CDH13: variants seen among roughly 807,000 people sequenced by gnomAD.
CDH13 encodes cadherin-13.
CDH13 carries 24 observed loss-of-function variants against 63.8 expected under a neutral mutation model. The observed-to-expected ratio is 0.38, with a 90% confidence interval of 0.27 to 0.53. CDH13 has a LOEUF of 0.53. CDH13 is among the 20% of genes least tolerant of loss of function. The pLI is 0.85. For missense variants in CDH13, 1,049 were observed against 903.1 expected (o/e 1.16, Z -2.07); for synonymous variants, 503 against 355.3 (o/e 1.42, Z -4.67).
chr16:82,845,500 C>A (rs1201096156), intron 1 of CDH13, among the ~76,000 whole-genome samples: 2 of 152,172 alleles, frequency 1.3e-5, no homozygotes, highest in African/African-American at 4.8e-5. Flanking sequence ...GCTGCAGCCA[C>A]CAGCATCATC....
chr16:83,413,864 C>T (rs572383142), intron 6 of CDH13, among the ~76,000 whole-genome samples: 3 of 152,158 alleles, frequency 2.0e-5, no homozygotes, highest in South Asian at 4.2e-4. Flanking sequence ...GGTGGGCACA[C>T]ACCTGTAATC....
At chr16:82,803,450 C>T (rs1159438513) in intron 1 of CDH13, among the ~76,000 whole-genome samples, 1 of 146,104 alleles carries the variant, frequency 6.8e-6, no homozygotes, top group African/African-American at 2.4e-5. Context: ...CTCTGAGCAG[C>T]TCAGACTCAG....
intron 5 of CDH13, among the ~76,000 whole-genome samples, chr16:83,260,551 G>A (rs143653474): frequency 5.9e-5 from 9 of 152,232 alleles, no homozygotes; most frequent in Admixed American, 2.6e-4. Context: ...TCTGTGCATC[G>A]GAATCACCCG....
chr16:82,987,927 G>A (rs180820249), intron 2 of CDH13, among the ~76,000 whole-genome samples: 1 of 152,290 alleles, frequency 6.6e-6, no homozygotes, highest in Non-Finnish European at 1.5e-5. Flanking sequence ...CCTTTGAAGT[G>A]TTCATCATGA....
At chr16:83,042,209 C>A (rs904732653) in intron 3 of CDH13, among the ~76,000 whole-genome samples, 2 of 152,202 alleles carry the variant, frequency 1.3e-5, no homozygotes, top group South Asian at 4.1e-4. Context: ...TGTTAGAAAC[C>A]GGGCTGCACT....
intron 1 of CDH13, among the ~76,000 whole-genome samples, chr16:82,700,455 C>T (rs1026321629): frequency 6.6e-6 from 1 of 151,896 alleles, no homozygotes; most frequent in Non-Finnish European, 1.5e-5. Flanking sequence ...TGGACATTAG[C>T]TTGTATTTTC....
chr16:83,236,414 G>A (rs578203372), intron 5 of CDH13, among the ~76,000 whole-genome samples: 1 of 152,248 alleles, frequency 6.6e-6, no homozygotes, highest in South Asian at 2.1e-4. Flanking sequence ...ACACTTTTAA[G>A]AAAGAAAAGC....
chr16:83,063,527 C>G (rs1338627277), intron 3 of CDH13, among the ~76,000 whole-genome samples: 1 of 152,108 alleles, frequency 6.6e-6, no homozygotes, highest in Non-Finnish European at 1.5e-5. Context: ...AAGGTTATAG[C>G]AATAGAGATG....
intron 8 of CDH13, among the ~76,000 whole-genome samples, chr16:83,627,375 A>C (rs1379801453): frequency 6.6e-6 from 1 of 152,182 alleles, no homozygotes; most frequent in Non-Finnish European, 1.5e-5. Context: ...AGAGATGAAC[A>C]TACATACAGC....
At chr16:83,196,293 C>G (rs955869661) in intron 4 of CDH13, among the ~76,000 whole-genome samples, 4 of 151,868 alleles carry the variant, frequency 2.6e-5, no homozygotes, top group African/African-American at 9.7e-5. Flanking sequence ...AATGTTAACT[C>G]AAAGTGGATC....
intron 2 of CDH13, among the ~76,000 whole-genome samples, chr16:82,885,036 C>G (rs906157658): frequency 6.6e-6 from 1 of 152,098 alleles, no homozygotes; most frequent in Non-Finnish European, 1.5e-5. Flanking sequence ...TGTGTTTTGG[C>G]TGTGTATTCT....
At chr16:83,703,273 C>T (rs1004430510) in intron 10 of CDH13, among the ~76,000 whole-genome samples, 2 of 152,076 alleles carry the variant, frequency 1.3e-5, no homozygotes, top group African/African-American at 2.4e-5. Context: ...GAATATATCT[C>T]GAAATAATCA....
intron 2 of CDH13, among the ~76,000 whole-genome samples, chr16:82,974,125 G>A (rs1257604311): frequency 1.3e-5 from 2 of 152,134 alleles, no homozygotes; most frequent in Non-Finnish European, 2.9e-5. Flanking sequence ...TTTCAGTAGA[G>A]ACAGGGTTTC....
intron 2 of CDH13, among the ~76,000 whole-genome samples, chr16:82,959,535 C>G (rs1469814432): frequency 6.6e-6 from 1 of 152,172 alleles, no homozygotes; most frequent in Non-Finnish European, 1.5e-5. Context: ...TTCAAAGCCA[C>G]AAAAGTTGGA....
At chr16:83,071,347 C>T (rs551806694) in intron 3 of CDH13, among the ~76,000 whole-genome samples, 1 of 152,098 alleles carries the variant, frequency 6.6e-6, no homozygotes, top group South Asian at 2.1e-4. Context: ...GATAAGGAGA[C>T]TGGGAATCAA....
intron 1 of CDH13, among the ~76,000 whole-genome samples, chr16:82,672,331 G>A (rs1913350932): frequency 6.6e-6 from 1 of 152,122 alleles, no homozygotes; most frequent in Non-Finnish European, 1.5e-5. Context: ...TAGAATTACT[G>A]AGCATCCGAC....
intron 1 of CDH13, among the ~76,000 whole-genome samples, chr16:82,784,087 G>C (rs1199400618): frequency 6.6e-6 from 1 of 151,680 alleles, no homozygotes; most frequent in African/African-American, 2.4e-5. Context: ...AGTTCAGATG[G>C]GCCAAGTTGC....
chr16:83,067,823 CT>C (rs2032134476), intron 3 of CDH13, among the ~76,000 whole-genome samples: 3 of 152,260 alleles, frequency 2.0e-5, no homozygotes, highest in African/African-American at 7.2e-5. Context: ...CTGCCCCTCT[CT>C]TCTTCTCTCT....
intron 5 of CDH13, among the ~76,000 whole-genome samples, chr16:83,250,539 A>G (rs947377259): frequency 6.6e-6 from 1 of 152,204 alleles, no homozygotes; most frequent in African/African-American, 2.4e-5. Flanking sequence ...GCGAGCGTTC[A>G]TAAGGAACCA....
Sources: allele counts gnomAD v4.1 joint callset (sites outside exome capture counted in the v4.1 genomes callset), GRCh38; gene constraint gnomAD v4.1.1; transcripts MANE v1.5; gene names NCBI Gene and HGNC (gene_info 2026-07-23, HGNC 2026-07-21).